Variants in KCNQ1 observed in about 807,000 individuals in gnomAD.
KCNQ1 encodes potassium voltage-gated channel subfamily KQT member 1.
Under a neutral mutation model 72.4 loss-of-function variants are expected in KCNQ1, and 49 were observed. The observed-to-expected ratio is 0.68, with a 90% confidence interval of 0.54 to 0.86. KCNQ1 has a LOEUF of 0.86. Ranked by LOEUF, KCNQ1 falls within the 40% of genes least tolerant of loss-of-function variation. The pLI is 0.00. For synonymous variants in KCNQ1, 450 were observed against 412.6 expected (o/e 1.09, Z -1.10); for missense variants, 790 against 945.1 (o/e 0.84, Z 2.15).
chr11:2,662,635 G>A (rs566358701), intron 11 of KCNQ1: 31 of 409,494 alleles, frequency 7.6e-5, no homozygotes, highest in African/African-American at 2.9e-4. Context: ...CCCGGTGCCC[G>A]GCCACGGTGT....
chr11:2,654,154 G>A lies in KCNQ1; in HGVS notation c.1394-7807G>A, dbSNP rs946276934. 4.0e-5 allele frequency: 16 copies of A among 398,474 alleles called. No homozygotes were observed. Among genetic ancestry groups the A allele is most frequent in the South Asian group, 1.3e-4 (1 of 7,856 alleles). The allele number at this position is 398,474 out of a possible 1,614,324, so 24.7% of individuals were successfully genotyped here. A position where few individuals can be genotyped will look rare whatever the true frequency, so the allele number is the denominator to read the frequency against. ...CACTCTGGCTCAGGGTCTATGAGCC[G>A]GGCATGGGCAGCTGGCACAGGCTGT... On this transcript the variant is annotated intron_variant, in intron 10 of 15. Coordinates refer to ENST00000155840, the MANE Select transcript of KCNQ1 (RefSeq NM_000218.3). The surrounding 1 kb of genome is among the most constrained non-coding windows in gnomAD (Gnocchi z 6.4).
chr11:2,458,256 C>G lies in KCNQ1; in HGVS notation c.386+12772C>G, dbSNP rs1846224345. On this transcript the variant is annotated intron_variant, in intron 1 of 15. Transcript: ENST00000155840. The surrounding 1 kb of genome is among the most constrained non-coding windows in gnomAD (Gnocchi z 4.6). ...TGAGCTGCATTGATGGGGTTCAGAT[C>G]CCAAGTTCATCCTGATACTGAGGGG... Among the ~76,000 whole-genome samples, 1 of 152,086 alleles carries G rather than the reference C, an allele frequency of 6.6e-6. No homozygotes were observed. Among genetic ancestry groups the G allele is most frequent in the Non-Finnish European group, 1.5e-5 (1 of 68,040 alleles).
chr11:2,571,211 C>T (rs749793097), intron 3 of KCNQ1, 114 bp from the exon 4 acceptor site: 30 of 852,636 alleles, frequency 3.5e-5, no homozygotes, highest in African/African-American at 2.0e-4. Flanking sequence ...GTCATCAGGG[C>T]GTGACCCGTC....
chr11:2,646,755 A>G (rs1849672200), intron 10 of KCNQ1: 3 of 398,356 alleles, frequency 7.5e-6, no homozygotes, highest in Non-Finnish European at 8.8e-6. Flanking sequence ...GGCTCAAGCA[A>G]TCCACCCGCC....
In KCNQ1 at chr11:2,787,577, G is replaced by T. The variant is rs114040784; in HGVS notation, c.1794+9540G>T. On this transcript the variant is annotated intron_variant, in intron 15 of 15. Transcript: ENST00000155840. This position sits in a 1 kb window ranked among gnomAD's most constrained non-coding sequence, Gnocchi z 6.3. ...TAATTTAAAAGAAATAAGTAAAATTGATTACAATAATATATTTTATTTAAC... is the reference window on the plus strand; with the variant it reads ...TAATTTAAAAGAAATAAGTAAAATTTATTACAATAATATATTTTATTTAAC... Among the ~76,000 whole-genome samples, 77 of 152,182 alleles carry T rather than the reference G, an allele frequency of 5.1e-4. No individual in the cohort carries two copies. The highest frequency in any genetic ancestry group is 1.8e-3 in the African/African-American group (74 of 41,532).
At position 2,624,395 on chromosome 11, in the gene KCNQ1, T is replaced by C. The variant is rs2133808028; in HGVS notation, c.1393+35541T>C. ...CTTTCATCCTCTTGACAGTATGTTT[T>C]ACAGAGCAGAAACTTTTATTTTTAA... On this transcript the variant is annotated intron_variant, in intron 10 of 15. Transcript: ENST00000155840. This position sits in a 1 kb window ranked among gnomAD's most constrained non-coding sequence, Gnocchi z 4.9. 1.0e-5 allele frequency: 4 copies of C among 398,548 alleles called. No homozygotes were observed. The East Asian group carries it at 1.4e-4, about 14-fold the overall frequency. The allele number at this position is 398,548 out of a possible 1,614,324, so 24.7% of individuals were successfully genotyped here. A position where few individuals can be genotyped will look rare whatever the true frequency, so the allele number is the denominator to read the frequency against.
At chr11:2,793,217 G>A (rs1021393320) in intron 15 of KCNQ1, among the ~76,000 whole-genome samples, 3 of 152,240 alleles carry the variant, frequency 2.0e-5, no homozygotes, top group African/African-American at 7.2e-5. Context: ...TTGTTCTAAG[G>A]CTCTGTGATA....
chr11:2,760,342 C>T (rs942076012), intron 11 of KCNQ1, among the ~76,000 whole-genome samples: 1 of 152,140 alleles, frequency 6.6e-6, no homozygotes, highest in Non-Finnish European at 1.5e-5. Flanking sequence ...AATGAACCAG[C>T]GGATGGGGGT....
At position 2,677,688 on chromosome 11, in the gene KCNQ1, A is replaced by G. The variant is rs140132870; in HGVS notation, c.1514+15607A>G. ...ATAAAATAATATTTTAACTACTGTTATTTTTCAAATTAACTTCCCAATCAA... is the reference window on the plus strand; with the variant it reads ...ATAAAATAATATTTTAACTACTGTTGTTTTTCAAATTAACTTCCCAATCAA... On this transcript the variant is annotated intron_variant, in intron 11 of 15. Transcript: ENST00000155840. This position sits in a 1 kb window ranked among gnomAD's most constrained non-coding sequence, Gnocchi z 4.5. 1,124 of 398,566 alleles carry G rather than the reference A, an allele frequency of 2.8e-3. 13 individuals are homozygous for G. Among genetic ancestry groups the G allele is most frequent in the African/African-American group, 0.02 (983 of 48,758 alleles). The allele number at this position is 398,566 out of a possible 1,614,324, so 24.7% of individuals were successfully genotyped here.
At chr11:2,705,484 G>A (rs1850893695) in intron 11 of KCNQ1, among the ~76,000 whole-genome samples, 1 of 151,710 alleles carries the variant, frequency 6.6e-6, no homozygotes, top group Non-Finnish European at 1.5e-5. Context: ...GCACGGGGGG[G>A]TGGGAAAATG....
chr11:2,568,820 C>T (rs764023217), intron 2 of KCNQ1, among the ~76,000 whole-genome samples: 11 of 152,168 alleles, frequency 7.2e-5, no homozygotes, highest in Non-Finnish European at 1.3e-4. Context: ...GACCCACACC[C>T]CCCCCATGAG....
intron 15 of KCNQ1, among the ~76,000 whole-genome samples, chr11:2,801,792 C>T (rs1304490819): frequency 3.3e-5 from 5 of 152,310 alleles, no homozygotes; most frequent in East Asian, 3.9e-4. Flanking sequence ...GAGCTTGTTG[C>T]GGGGGTGTCC....
rs1331127740 is a variant in KCNQ1 at position 2,608,748 on chromosome 11, C to G, written c.1393+19894C>G. 5.0e-6 allele frequency: 2 copies of G among 398,548 alleles called. No homozygotes were observed. The highest frequency in any genetic ancestry group is 4.1e-5 in the African/African-American group (2 of 48,606). 24.7% of individuals were successfully genotyped at this position (398,548 alleles called of 1,614,324 possible). On this transcript the variant is annotated intron_variant, in intron 10 of 15. Coordinates refer to ENST00000155840, the MANE Select transcript of KCNQ1 (RefSeq NM_000218.3). This position sits in a 1 kb window ranked among gnomAD's most constrained non-coding sequence, Gnocchi z 4.6. ...AAGCAATTCTCCTGCCTTGGCCTCC[C>G]AAAGTGCTGGGATTACAGGTGTGAG...
chr11:2,740,170 G>A (rs1157394972), intron 11 of KCNQ1, among the ~76,000 whole-genome samples: 1 of 151,900 alleles, frequency 6.6e-6, no homozygotes, highest in African/African-American at 2.4e-5. Flanking sequence ...CCCTCTGTGA[G>A]ATGGGCTGGG....
intron 8 of KCNQ1, among the ~76,000 whole-genome samples, chr11:2,586,865 C>T (rs976645436): frequency 1.2e-4 from 18 of 152,122 alleles, no homozygotes; most frequent in Non-Finnish European, 2.5e-4. Context: ...CAGGACATGT[C>T]CTCATACAAG....
At chr11:2,714,598 G>A (rs1191570889) in intron 11 of KCNQ1, among the ~76,000 whole-genome samples, 1 of 152,146 alleles carries the variant, frequency 6.6e-6, no homozygotes, top group Non-Finnish European at 1.5e-5. Flanking sequence ...TGTGGGGGGC[G>A]AGGCCAGGCT....
At chr11:2,836,842 G>A (rs777254394) in intron 15 of KCNQ1, among the ~76,000 whole-genome samples, 1 of 152,260 alleles carries the variant, frequency 6.6e-6, no homozygotes, top group Non-Finnish European at 1.5e-5. Flanking sequence ...TTACCTGGCA[G>A]GCAGGGGCCC....
Position 2,845,260 on chromosome 11 carries a change from T to A in KCNQ1, c.1795-2507T>A, listed in dbSNP as rs369213029. Among the ~76,000 whole-genome samples, 12 of 151,986 alleles carry A rather than the reference T, an allele frequency of 7.9e-5. No homozygotes were observed. The South Asian group carries it at 1.0e-3, about 13-fold the overall frequency. ...CCGGCTCCCTACCTGACACACTGTG[T>A]CCCCCCATATGGCAGCTCCGTGGTC... On this transcript the variant is annotated intron_variant, in intron 15 of 15. Transcript: ENST00000155840.
chr11:2,524,914 C>T (rs552614224), intron 1 of KCNQ1, among the ~76,000 whole-genome samples: 1 of 152,330 alleles, frequency 6.6e-6, no homozygotes, highest in South Asian at 2.1e-4. Flanking sequence ...CAGGTGGCAT[C>T]TTCTGCCCCG....
Sources: gnomAD v4.1 joint callset for allele counts (sites outside exome capture counted in the v4.1 genomes callset) on GRCh38, gnomAD v4.1.1 for gene constraint, Gnocchi (gnomAD v3.1) non-coding constraint, MANE v1.5 for transcripts, NCBI Gene and HGNC (gene_info 2026-07-23, HGNC 2026-07-21) for gene names.